The following ST6GALNAC3 variants were observed in gnomAD, a reference collection of about 807,000 sequenced individuals.
ST6GALNAC3 encodes the protein ST6 N-acetylgalactosaminide alpha-2,6-sialyltransferase 3.
Under a neutral mutation model 32.7 loss-of-function variants are expected in ST6GALNAC3, and 25 were observed. The ratio of observed to expected loss-of-function variants is 0.76; its 90% CI spans 0.56 to 1.07. The LOEUF is 1.07. ST6GALNAC3 is among the 50% of genes least tolerant of loss of function. The probability of loss-of-function intolerance (pLI) is 0.00; values close to 1 mark genes in which losing one functional copy is unlikely to be tolerated. For synonymous variants in ST6GALNAC3, 129 were observed against 133.1 expected (o/e 0.97, Z 0.21); for missense variants, 355 against 382.4 (o/e 0.93, Z 0.60).
intron 1 of ST6GALNAC3, among the ~76,000 whole-genome samples, chr1:76,262,133 C>T (rs1658273640): frequency 6.6e-6 from 1 of 152,182 alleles, no homozygotes; most frequent in African/African-American, 2.4e-5. Flanking sequence ...TTATTGAGCA[C>T]TTACTGTGTC....
intron 3 of ST6GALNAC3, among the ~76,000 whole-genome samples, chr1:76,535,472 C>T (rs1046514907): frequency 1.3e-5 from 2 of 152,098 alleles, no homozygotes; most frequent in African/African-American, 4.8e-5. Context: ...TTCTAATTCT[C>T]ATGGTTTTTA....
intron 2 of ST6GALNAC3, among the ~76,000 whole-genome samples, chr1:76,386,500 C>T (rs1357753253): frequency 6.6e-6 from 1 of 152,162 alleles, no homozygotes; most frequent in Non-Finnish European, 1.5e-5. Context: ...TGTGAAGCTG[C>T]AAGCTTTTCA....
chr1:76,364,733 C>T (rs1650233720), intron 2 of ST6GALNAC3, among the ~76,000 whole-genome samples: 1 of 151,896 alleles, frequency 6.6e-6, no homozygotes, highest in African/African-American at 2.4e-5. Flanking sequence ...TGAAAAAATG[C>T]TCAATATCAC....
intron 3 of ST6GALNAC3, among the ~76,000 whole-genome samples, chr1:76,581,304 G>A (rs1382667480): frequency 1.3e-5 from 2 of 152,062 alleles, no homozygotes; most frequent in Non-Finnish European, 2.9e-5. Context: ...ACTGCAGGAT[G>A]GAGTCAGGCA....
At chr1:76,541,708 T>C (rs534059053) in intron 3 of ST6GALNAC3, among the ~76,000 whole-genome samples, 24 of 152,312 alleles carry the variant, frequency 1.6e-4, no homozygotes, top group African/African-American at 5.5e-4. Flanking sequence ...GCAGAAGTCT[T>C]CACTGTTCTA....
chr1:76,288,476 A>G (rs917139189), intron 1 of ST6GALNAC3, among the ~76,000 whole-genome samples: 1 of 152,206 alleles, frequency 6.6e-6, no homozygotes, highest in Non-Finnish European at 1.5e-5. Flanking sequence ...TATAAGTTCT[A>G]AGCAGTCCTC....
intron 3 of ST6GALNAC3, among the ~76,000 whole-genome samples, chr1:76,578,890 G>A (rs1372015620): frequency 6.6e-6 from 1 of 151,964 alleles, no homozygotes; most frequent in Non-Finnish European, 1.5e-5. Flanking sequence ...ACGCATCTGA[G>A]GATATACCTA....
rs77757413 is a variant in ST6GALNAC3, at chr1:76,610,425, G to T, written c.624-17027G>T. Among the ~76,000 whole-genome samples, 375 of 152,222 alleles carry T rather than the reference G, an allele frequency of 2.5e-3. 1 individual carries two copies. The highest frequency in any genetic ancestry group is 0.014 in the Middle Eastern group (4 of 294). ...GTCACTCCAGTTCACTGCAGAACAG[G>T]GAAGCATCAAAGTTAGGTCAGGGAA... On this transcript the variant is annotated intron_variant, in intron 3 of 4. Coordinates refer to ENST00000328299, the MANE Select transcript of ST6GALNAC3 (RefSeq NM_152996.4).
chr1:76,387,175 A>G (rs1485766108), intron 2 of ST6GALNAC3, among the ~76,000 whole-genome samples: 4 of 152,286 alleles, frequency 2.6e-5, no homozygotes, highest in Non-Finnish European at 5.9e-5. Context: ...CTTTAAGTCA[A>G]TAACCAAACC....
At chr1:76,526,453 G>A (rs748376740) in intron 3 of ST6GALNAC3, among the ~76,000 whole-genome samples, 10 of 151,992 alleles carry the variant, frequency 6.6e-5, no homozygotes, top group East Asian at 1.9e-4. Context: ...AAGTGAAGAC[G>A]AATCCTTTAA....
At chr1:76,200,883 C>A (rs991639368) in intron 1 of ST6GALNAC3, among the ~76,000 whole-genome samples, 6 of 151,836 alleles carry the variant, frequency 4.0e-5, no homozygotes, top group Non-Finnish European at 7.4e-5. Flanking sequence ...GGAGTGGGGA[C>A]CAGAAACGCC....
At chr1:76,159,104 C>T (rs1224381033) in intron 1 of ST6GALNAC3, among the ~76,000 whole-genome samples, 1 of 152,100 alleles carries the variant, frequency 6.6e-6, no homozygotes, top group Non-Finnish European at 1.5e-5. Context: ...TTCCTGGGGA[C>T]AGAGGATGGA....
chr1:76,279,088 C>T (rs2100780455), intron 1 of ST6GALNAC3, among the ~76,000 whole-genome samples: 1 of 152,310 alleles, frequency 6.6e-6, no homozygotes, highest in South Asian at 2.1e-4. Context: ...GGCCACTTGG[C>T]TCCCAGGGAG....
chr1:76,224,662 G>A (rs1289864408), intron 1 of ST6GALNAC3, among the ~76,000 whole-genome samples: 1 of 152,170 alleles, frequency 6.6e-6, no homozygotes, highest in Admixed American at 6.5e-5. Flanking sequence ...GCTGGAGATT[G>A]ATTTTGGTAG....
intron 2 of ST6GALNAC3, among the ~76,000 whole-genome samples, chr1:76,353,384 T>C (rs1341553373): frequency 2.0e-5 from 3 of 152,164 alleles, no homozygotes; most frequent in African/African-American, 7.2e-5. Context: ...TCAGCTCCTT[T>C]CTACCAATGA....
intron 3 of ST6GALNAC3, among the ~76,000 whole-genome samples, chr1:76,526,789 A>C (rs1662938880): frequency 6.6e-6 from 1 of 152,060 alleles, no homozygotes; most frequent in African/African-American, 2.4e-5. Context: ...TGTGTTTTTG[A>C]ATACTTCCTT....
At chr1:76,118,168 T>C (rs1008995604) in intron 1 of ST6GALNAC3, among the ~76,000 whole-genome samples, 5 of 152,092 alleles carry the variant, frequency 3.3e-5, no homozygotes, top group African/African-American at 1.2e-4. Context: ...GGCCCCGGTG[T>C]GTGATGTTCC....
intron 1 of ST6GALNAC3, among the ~76,000 whole-genome samples, chr1:76,101,799 T>C (rs1460079809): frequency 6.6e-6 from 1 of 152,216 alleles, no homozygotes; most frequent in Non-Finnish European, 1.5e-5. Flanking sequence ...TCTAGCCATC[T>C]TTTCATTATT....
chr1:76,280,584 A>G (rs537897517), intron 1 of ST6GALNAC3, among the ~76,000 whole-genome samples: 2 of 152,342 alleles, frequency 1.3e-5, no homozygotes, highest in Admixed American at 1.3e-4. Context: ...TGGATGCACT[A>G]TGGGTAGAGA....
Sources: gnomAD v4.1 joint callset for allele counts (sites outside exome capture counted in the v4.1 genomes callset) on GRCh38, gnomAD v4.1.1 for gene constraint, MANE v1.5 for transcripts, NCBI Gene and HGNC (gene_info 2026-07-23, HGNC 2026-07-21) for gene names.